Variants in GOLM1 observed in about 807,000 individuals in gnomAD.
The protein encoded by GOLM1 is epididymis luminal protein 46.
Under a neutral mutation model 50.5 loss-of-function variants are expected in GOLM1, and 31 were observed. The observed-to-expected ratio is 0.61, with a 90% CI of 0.46 to 0.83. The LOEUF (loss-of-function observed/expected upper bound fraction) is 0.83, where lower values mean the gene tolerates loss of function less well. GOLM1 is among the 40% of genes least tolerant of loss of function. The pLI is 0.00. For missense variants in GOLM1, 491 were observed against 501.3 expected, an observed-to-expected ratio of 0.98 and a Z score of 0.20; for synonymous variants, 178 against 192.8, an observed-to-expected ratio of 0.92 and a Z score of 0.64.
intron 6 of GOLM1, 103 bp from the exon 7 acceptor site, chr9:86,036,610 A>C: frequency 8.3e-7 from 1 of 1,206,260 alleles, no homozygotes; most frequent in Non-Finnish European, 1.2e-6. Context: ...CCACCACCAT[A>C]TCCTTCCAAC....
At position 86,030,209 on chromosome 9, in the gene GOLM1, ACT is replaced by A. The variant is rs574864339; in HGVS notation, c.1130-2318_1130-2317del. 6.2e-4 allele frequency among the ~76,000 whole-genome samples: 76 copies of A among 121,768 alleles called. 1 individual carries two copies. The East Asian group carries it at 0.014, about 22-fold the overall frequency. 79.9% of individuals were successfully genotyped at this position (121,768 alleles called of 152,430 possible). On this transcript the variant is annotated intron_variant, in intron 9 of 9. Coordinates refer to ENST00000388712, the MANE Select transcript of GOLM1 (RefSeq NM_016548.4). ...CTCCAGCCTGGGCAAGAAGAGTGAG[ACT>A]CTGTCTCAAAAAAAAAAAAAAAAAA...
chr9:86,026,160 C>T lies in GOLM1; in HGVS notation c.*1657G>A, dbSNP rs1035054417. 2 of 984,292 alleles carry T rather than the reference C, an allele frequency of 2.0e-6. No individual in the cohort carries two copies. The highest frequency in any genetic ancestry group is 2.4e-6 in the Non-Finnish European group (2 of 828,968). The allele number at this position is 984,292 out of a possible 1,614,324, so 61.0% of individuals were successfully genotyped here. Reference sequence around the variant, plus strand: ...GACAAGTTTTATAAGTTGAACAGAACATTTTATTTCTCAGCAATTCTATGC... The same window carrying T: ...GACAAGTTTTATAAGTTGAACAGAATATTTTATTTCTCAGCAATTCTATGC... On this transcript the variant is annotated 3_prime_UTR_variant, in exon 10 of 10. Transcript: ENST00000388712.
intron 3 of GOLM1, among the ~76,000 whole-genome samples, chr9:86,071,104 CACGTATATTTAGAA>C (rs943661892): frequency 2.0e-5 from 3 of 151,846 alleles, no homozygotes; most frequent in African/African-American, 7.3e-5. Flanking sequence ...CACACACACA[CACGTATATTTAGAA>C]ACAGGGTCTC....
intron 3 of GOLM1, among the ~76,000 whole-genome samples, chr9:86,053,630 T>TCC (rs200447777): frequency 0.024 from 55 of 2,280 alleles, no homozygotes; most frequent in Middle Eastern, 0.12. Flanking sequence ...CAAACATCAC[T>TCC]ACAAAACACA....
intron 4 of GOLM1, among the ~76,000 whole-genome samples, chr9:86,050,655 G>T (rs919945291): frequency 6.6e-6 from 1 of 152,114 alleles, no homozygotes; most frequent in Non-Finnish European, 1.5e-5. Flanking sequence ...TTGCATAGAG[G>T]TGTTTATAGT....
At chr9:86,066,179 A>C (rs911517966) in intron 3 of GOLM1, among the ~76,000 whole-genome samples, 1 of 152,210 alleles carries the variant, frequency 6.6e-6, no homozygotes, top group African/African-American at 2.4e-5. Context: ...ATGCTGTTGT[A>C]TTTGAGGGAA....
Position 86,031,449 on chromosome 9 carries a change from G to GTTT in GOLM1, c.1129+1830_1129+1832dup, listed in dbSNP as rs774806772. Among the ~76,000 whole-genome samples the GTTT allele has an allele frequency of 1.1e-3, 88 of 79,500 alleles. 1 individual carries two copies. Among genetic ancestry groups the GTTT allele is most frequent in the Middle Eastern group, 0.013 (1 of 76 alleles). 52.2% of individuals were successfully genotyped at this position (79,500 alleles called of 152,430 possible). A position where few individuals can be genotyped will look rare whatever the true frequency, so the allele number is the denominator to read the frequency against. ...ACCTTATACAAACAATACCACTGAG[G>GTTT]TTTTTTTTTTTTTTTTTTTTTTTTT... On this transcript the variant is annotated intron_variant, in intron 9 of 9. Transcript: ENST00000388712.
intron 6 of GOLM1, among the ~76,000 whole-genome samples, chr9:86,040,266 A>G (rs1386086319): frequency 6.6e-6 from 1 of 152,184 alleles, no homozygotes; most frequent in Non-Finnish European, 1.5e-5. Flanking sequence ...TAAAGCTGCT[A>G]TATTTTTAAA....
At chr9:86,033,918 G>A (rs1218884257) in intron 8 of GOLM1, among the ~76,000 whole-genome samples, 1 of 151,596 alleles carries the variant, frequency 6.6e-6, no homozygotes, top group Non-Finnish European at 1.5e-5. Context: ...TACTCAAAGG[G>A]TTTAACTTAC....
intron 3 of GOLM1, among the ~76,000 whole-genome samples, chr9:86,061,135 CTCTG>C (rs1269011944): frequency 6.6e-6 from 1 of 152,052 alleles, no homozygotes; most frequent in Non-Finnish European, 1.5e-5. Flanking sequence ...CACTGGGTCA[CTCTG>C]TCTACCTTTT....
At chr9:86,055,797 G>A (rs1246716595) in intron 3 of GOLM1, among the ~76,000 whole-genome samples, 1 of 152,132 alleles carries the variant, frequency 6.6e-6, no homozygotes, top group African/African-American at 2.4e-5. Context: ...AGAGGGGGGA[G>A]GGAAATTGGT....
intron 3 of GOLM1, among the ~76,000 whole-genome samples, chr9:86,075,130 T>C (rs1587730186): frequency 6.6e-6 from 1 of 152,176 alleles, no homozygotes. Context: ...AAGGCATCCA[T>C]GAACCTGGAA....
At chr9:86,030,898 A>G (rs994815044) in intron 9 of GOLM1, among the ~76,000 whole-genome samples, 1 of 152,240 alleles carries the variant, frequency 6.6e-6, no homozygotes, top group African/African-American at 2.4e-5. Flanking sequence ...TAAATGAATA[A>G]TGCATTGCCC....
At chr9:86,048,474 G>A (rs905861929) in intron 4 of GOLM1, among the ~76,000 whole-genome samples, 4 of 152,136 alleles carry the variant, frequency 2.6e-5, no homozygotes, top group Non-Finnish European at 5.9e-5. Context: ...GGTTGAACTA[G>A]TTTACACTCC....
chr9:86,080,856 G>A (rs1022002274), intron 1 of GOLM1, among the ~76,000 whole-genome samples: 3 of 152,052 alleles, frequency 2.0e-5, no homozygotes, highest in East Asian at 1.9e-4. Flanking sequence ...TTGATCACAA[G>A]AGTCTCTTTT....
chr9:86,090,794 A>AC, intron 1 of GOLM1, among the ~76,000 whole-genome samples: 1 of 150,078 alleles, frequency 6.7e-6, no homozygotes, highest in South Asian at 2.1e-4. Context: ...ACCAAAAAAA[A>AC]AAAAAAAAAA....
In GOLM1 at chr9:86,027,875, T is replaced by C. The variant is rs746622310; in HGVS notation, c.1148A>G (p.Gln383Arg). 3 of 1,604,080 alleles carry C rather than the reference T, an allele frequency of 1.9e-6. No individual in the cohort carries two copies. Among genetic ancestry groups the C allele is most frequent in the South Asian group, 2.2e-5 (2 of 90,808 alleles). ...AAGTAAATTTATGGTGTCTCTTTTCTGATCTTCAACATTAAAAACTAAAAA... is the reference window on the plus strand; with the variant it reads ...AAGTAAATTTATGGTGTCTCTTTTCCGATCTTCAACATTAAAAACTAAAAA... ...RNIDVFNVED[Q>R]KRDTINLLDQ... is the part of the protein sequence containing the mutation. The change falls in exon 10 of 10, where the codon CAG becomes CGG. Residue 383 changes from glutamine to arginine, a missense_variant. By Grantham distance (43) the Gln-to-Arg change is conservative. Coordinates refer to ENST00000388712, the MANE Select transcript of GOLM1 (RefSeq NM_016548.4).
intron 5 of GOLM1, among the ~76,000 whole-genome samples, chr9:86,042,061 G>C (rs1390358559): frequency 6.6e-6 from 1 of 152,198 alleles, no homozygotes; most frequent in Non-Finnish European, 1.5e-5. Flanking sequence ...AGCTTGCAGT[G>C]AGCCGAGATC....
In GOLM1 at chr9:86,026,607, C is replaced by A. The variant is rs954980105; in HGVS notation, c.*1210G>T. On this transcript the variant is annotated 3_prime_UTR_variant, in exon 10 of 10. Coordinates refer to ENST00000388712, the MANE Select transcript of GOLM1 (RefSeq NM_016548.4). ...CAAATCCTGTGGATCCTCCTACTTA[C>A]CCCTTAGAGAGCCTTACTGGGAAGT... 2.8e-5 allele frequency: 27 copies of A among 980,504 alleles called. No homozygotes were observed. The highest frequency in any genetic ancestry group is 3.3e-5 in the Non-Finnish European group (27 of 825,528). The allele number at this position is 980,504 out of a possible 1,614,324, so 60.7% of individuals were successfully genotyped here. A position where few individuals can be genotyped will look rare whatever the true frequency, so the allele number is the denominator to read the frequency against.
Sources: allele counts gnomAD v4.1 joint callset (sites outside exome capture counted in the v4.1 genomes callset), GRCh38; gene constraint gnomAD v4.1.1; transcripts MANE v1.5; gene names NCBI Gene and HGNC (gene_info 2026-07-23, HGNC 2026-07-21).